JCAD: variants seen among roughly 807,000 people sequenced by gnomAD.
JCAD encodes junctional cadherin 5 associated.
A neutral mutation model predicts 98.0 loss-of-function variants in JCAD; 40 were observed. The ratio of observed to expected loss-of-function variants is 0.41; its 90% CI spans 0.32 to 0.53. JCAD has a LOEUF of 0.53. Among genes scored for constraint, JCAD ranks in the 20% least tolerant of loss-of-function variants. The pLI is 0.31. For synonymous variants in JCAD, 691 were observed against 682.3 expected (o/e 1.01, Z -0.20); for missense variants, 1,705 against 1,738.1 (o/e 0.98, Z 0.34).
At chr10:30,023,479 T>C (rs1364238273) in intron 3 of JCAD, among the ~76,000 whole-genome samples, 2 of 152,190 alleles carry the variant, frequency 1.3e-5, no homozygotes, top group Admixed American at 6.5e-5. Flanking sequence ...AGGTGTGTAG[T>C]AGATTCTACC....
chr10:30,055,130 CA>C (rs1305352061), intron 1 of JCAD, among the ~76,000 whole-genome samples: 1 of 152,118 alleles, frequency 6.6e-6, no homozygotes, highest in Non-Finnish European at 1.5e-5. Context: ...TTCAGGAAGC[CA>C]AAATCACATG....
At chr10:30,075,485 G>A (rs1053528229) in intron 1 of JCAD, among the ~76,000 whole-genome samples, 1 of 152,142 alleles carries the variant, frequency 6.6e-6, no homozygotes, top group Non-Finnish European at 1.5e-5. Flanking sequence ...AATGATACAG[G>A]ATAACTGCTA....
chr10:30,091,313 A>T (rs997827690), intron 1 of JCAD, among the ~76,000 whole-genome samples: 2 of 152,244 alleles, frequency 1.3e-5, no homozygotes, highest in Non-Finnish European at 2.9e-5. Flanking sequence ...ATAACAACAC[A>T]TGCAAACTGG....
intron 1 of JCAD, among the ~76,000 whole-genome samples, chr10:30,071,695 T>C (rs959836619): frequency 6.6e-6 from 1 of 151,970 alleles, no homozygotes; most frequent in African/African-American, 2.4e-5. Flanking sequence ...GGAGAATTGC[T>C]TGAACCTGGG....
chr10:30,100,526 C>T (rs1838452377), intron 1 of JCAD, among the ~76,000 whole-genome samples: 1 of 152,074 alleles, frequency 6.6e-6, no homozygotes, highest in African/African-American at 2.4e-5. Context: ...GTATTACAGG[C>T]ACCCACCACC....
chr10:30,040,197 G>C (rs1837212744), intron 2 of JCAD, among the ~76,000 whole-genome samples: 1 of 152,142 alleles, frequency 6.6e-6, no homozygotes, highest in African/African-American at 2.4e-5. Context: ...TGACGTAGCT[G>C]ACTGTCATCA....
chr10:30,102,515 G>A (rs1448436969), intron 1 of JCAD, among the ~76,000 whole-genome samples: 1 of 152,136 alleles, frequency 6.6e-6, no homozygotes, highest in African/African-American at 2.4e-5. Flanking sequence ...TTAACTTATA[G>A]GCATAATGTT....
At chr10:30,050,965 A>G (rs1304455260) in intron 1 of JCAD, among the ~76,000 whole-genome samples, 1 of 152,212 alleles carries the variant, frequency 6.6e-6, no homozygotes, top group Non-Finnish European at 1.5e-5. Flanking sequence ...CATTTTCACA[A>G]GAAAACTGAG....
At position 30,016,435 on chromosome 10, in the gene JCAD, G is replaced by A. The variant is rs1181594367; in HGVS notation, c.*1448C>T. ...GAGGGAGGGAGGGGAAATGATTTAG[G>A]GAATGTTAGTTGTCAGGAATACCTT... is the stretch of plus-strand genomic sequence containing the variant. On this transcript the variant is annotated 3_prime_UTR_variant, in exon 4 of 4. Transcript: ENST00000375377. The A allele has an allele frequency of 6.6e-6, 1 of 151,630 alleles. No homozygotes were observed. The highest frequency in any genetic ancestry group is 1.5e-5 in the Non-Finnish European group (1 of 67,960). 9.4% of individuals were successfully genotyped at this position (151,630 alleles called of 1,614,324 possible).
At chr10:30,073,368 T>G (rs1241831581) in intron 1 of JCAD, among the ~76,000 whole-genome samples, 2 of 152,194 alleles carry the variant, frequency 1.3e-5, no homozygotes, top group Admixed American at 1.3e-4. Flanking sequence ...TCTATGAGCA[T>G]TAGCTGTTCT....
Position 30,026,195 on chromosome 10 carries a change from A to G in JCAD, c.3953T>C (p.Leu1318Pro). Residue 1318 changes from leucine (L) to proline (P), a missense_variant, in exon 3 of 4, where the codon CTC becomes CCC. Physicochemically the swap from Leu to Pro is moderately conservative, Grantham distance 98. This residue lies in a region of JCAD where 1,278 missense variants were observed against 1,243.1 expected (regional missense o/e 1.03). Transcript: ENST00000375377. Reference protein sequence around the residue: ...GDRAQRLGHSLSVSKDSISRE... With the variant: ...GDRAQRLGHSPSVSKDSISRE... ...GGAGATGCTGTCCTTGGACACAGAG[A>G]GTGAGTGGCCCAATCTCTGGGCACG... 1.9e-6 allele frequency: 3 copies of G among 1,614,094 alleles called. No homozygotes were observed. Among genetic ancestry groups the G allele is most frequent in the Non-Finnish European group, 2.5e-6 (3 of 1,180,024 alleles).
intron 1 of JCAD, among the ~76,000 whole-genome samples, chr10:30,074,097 A>G (rs1837940611): frequency 6.6e-6 from 1 of 152,094 alleles, no homozygotes; most frequent in Admixed American, 6.5e-5. Flanking sequence ...TGGTGTTGGA[A>G]ATCTTGGCAA....
chr10:30,105,689 A>T (rs1400496179), intron 1 of JCAD, among the ~76,000 whole-genome samples: 1 of 152,094 alleles, frequency 6.6e-6, no homozygotes, highest in African/African-American at 2.4e-5. Context: ...ATGCAACATA[A>T]TTTTCATATT....
intron 1 of JCAD, among the ~76,000 whole-genome samples, chr10:30,095,787 C>A (rs951488262): frequency 6.6e-6 from 1 of 152,140 alleles, no homozygotes; most frequent in African/African-American, 2.4e-5. Context: ...AGAGGGGAAG[C>A]CTTAGAGCCT....
chr10:30,082,941 G>A (rs992965552), intron 1 of JCAD, among the ~76,000 whole-genome samples: 1 of 151,608 alleles, frequency 6.6e-6, no homozygotes, highest in Non-Finnish European at 1.5e-5. Context: ...GGCCAAGGCA[G>A]GAGAATCACT....
rs563860224 is a variant in JCAD, at chr10:30,058,203, C to T, written c.-60+1279G>A. The stretch of plus-strand genomic sequence containing the variant: ...TTGTAAATCTGAAAAGACAAAAGAC[C>T]GGAGAAGGAAAACAAGTTGTGGGAG... On this transcript the variant is annotated intron_variant, in intron 1 of 3. Coordinates refer to ENST00000375377, the MANE Select transcript of JCAD (RefSeq NM_020848.4). Among the ~76,000 whole-genome samples the T allele has an allele frequency of 3.3e-3, 506 of 152,202 alleles. 6 individuals carry two copies. The highest frequency in any genetic ancestry group is 0.012 in the African/African-American group (485 of 41,510).
intron 2 of JCAD, among the ~76,000 whole-genome samples, chr10:30,034,773 A>G (rs1589686007): frequency 6.6e-6 from 1 of 152,216 alleles, no homozygotes; most frequent in Non-Finnish European, 1.5e-5. Context: ...ATAGGCTCCC[A>G]GACTCTATAG....
At chr10:30,058,582 C>T (rs902768197) in intron 1 of JCAD, among the ~76,000 whole-genome samples, 15 of 152,216 alleles carry the variant, frequency 9.9e-5, no homozygotes, top group South Asian at 4.1e-4. Context: ...TGCTTCTTGA[C>T]GGAAGCGAGA....
At chr10:30,070,503 A>G (rs1023531633) in intron 1 of JCAD, among the ~76,000 whole-genome samples, 2 of 152,190 alleles carry the variant, frequency 1.3e-5, no homozygotes, top group Non-Finnish European at 2.9e-5. Flanking sequence ...TGCACTTTTT[A>G]GTTTTCGCAA....
Sources: gnomAD v4.1 joint callset for allele counts (sites outside exome capture counted in the v4.1 genomes callset) on GRCh38, gnomAD v4.1.1 for gene constraint, gnomAD v4.1.1 regional missense constraint, MANE v1.5 for transcripts, NCBI Gene and HGNC (gene_info 2026-07-23, HGNC 2026-07-21) for gene names.